SMARCAD1: variants seen among roughly 807,000 people sequenced by gnomAD.
SMARCAD1 encodes the protein SWI/SNF-related matrix-associated actin-dependent regulator of chromatin subfamily A containing DEAD/H box 1.
A neutral mutation model predicts 127.1 loss-of-function variants in SMARCAD1; 25 were observed. That is an observed-to-expected ratio of 0.20 (90% CI 0.14 to 0.27). The LOEUF (loss-of-function observed/expected upper bound fraction) is 0.27. Among genes scored for constraint, SMARCAD1 ranks in the 10% least tolerant of loss-of-function variants. The probability of loss-of-function intolerance (pLI) is 1.00; values close to 1 mark genes in which losing one functional copy is unlikely to be tolerated. For missense variants in SMARCAD1, 807 were observed against 1,206.0 expected, an observed-to-expected ratio of 0.67 and a Z score of 4.90; for synonymous variants, 400 against 396.9, an observed-to-expected ratio of 1.01 and a Z score of -0.09.
At chr4:94,262,456 T>C (rs1400269714) in intron 9 of SMARCAD1, among the ~76,000 whole-genome samples, 1 of 152,196 alleles carries the variant, frequency 6.6e-6, no homozygotes, top group Non-Finnish European at 1.5e-5. Context: ...CTCAAAGCCT[T>C]CTTAATAGTT....
At chr4:94,238,812 T>A (rs1025950820) in intron 5 of SMARCAD1, among the ~76,000 whole-genome samples, 2 of 152,186 alleles carry the variant, frequency 1.3e-5, no homozygotes, top group African/African-American at 4.8e-5. Context: ...TATCTAATCT[T>A]TTTTCTCTTG....
At chr4:94,259,832 A>G (rs1260017606) in intron 9 of SMARCAD1, among the ~76,000 whole-genome samples, 4 of 152,246 alleles carry the variant, frequency 2.6e-5, no homozygotes, top group East Asian at 1.9e-4. Flanking sequence ...TGAAGAAACC[A>G]TAACATTCTT....
intron 16 of SMARCAD1, 119 bp downstream of exon 16, chr4:94,277,278 T>A: frequency 8.6e-7 from 1 of 1,163,620 alleles, no homozygotes; most frequent in East Asian, 2.4e-5. Flanking sequence ...TAACTTTAAG[T>A]AGGTGATAAC....
chr4:94,270,704 A>G lies in SMARCAD1; in HGVS notation c.1482-24A>G, dbSNP rs765921860. On this transcript the variant is annotated intron_variant, in intron 10 of 23. Transcript: ENST00000354268. ...ACTGATAGAAATATAGATGTGTAAT[A>G]TTTGGTAACTCTCTCTTTACCAGTT... The G allele has an allele frequency of 5.0e-6, 8 of 1,589,298 alleles. No homozygotes were observed. In the Admixed American group the frequency reaches 8.3e-5, roughly 17 times the overall value.
chr4:94,276,881 A>G (rs1206734478), intron 15 of SMARCAD1, 141 bp from the exon 16 acceptor site: 7 of 878,158 alleles, frequency 8.0e-6, no homozygotes, highest in South Asian at 3.3e-5. Context: ...TTAAATTACT[A>G]TATCATTTAT....
rs533908332 is a variant in SMARCAD1 at position 94,221,202 on chromosome 4, A to G, written c.191-4917A>G. The stretch of plus-strand genomic sequence containing the variant: ...TACTTAGACATTTCTGAGAAGATCA[A>G]TGGTGATATTAACAAAAGTAATTTT... On this transcript the variant is annotated intron_variant, in intron 2 of 23. Coordinates refer to ENST00000354268, the MANE Select transcript of SMARCAD1 (RefSeq NM_020159.5). 1.7e-4 allele frequency among the ~76,000 whole-genome samples: 26 copies of G among 152,362 alleles called. No individual in the cohort carries two copies. In the East Asian group the frequency reaches 1.9e-3, roughly 11 times the overall value.
chr4:94,233,888 C>A, intron 3 of SMARCAD1, 66 bp from the exon 4 acceptor site: 1 of 1,494,350 alleles, frequency 6.7e-7, no homozygotes, highest in Non-Finnish European at 9.3e-7. Context: ...TACACATAGA[C>A]ACTATAATGA....
chr4:94,249,717 C>A lies in SMARCAD1; in HGVS notation c.769C>A (p.Leu257Met). 1 of 1,609,840 alleles carries A rather than the reference C, an allele frequency of 6.2e-7. No individual in the cohort carries two copies. The highest frequency in any genetic ancestry group is 8.5e-7 in the Non-Finnish European group (1 of 1,176,644). The change falls in exon 7 of 24, where the codon CTG (leucine) becomes ATG (methionine). Residue 257 changes from leucine to methionine, a missense_variant. Leu to Met is a conservative substitution (Grantham distance 15, BLOSUM62 2). This residue lies in a region of SMARCAD1 where 257 missense variants were observed against 303.4 expected (regional missense o/e 0.85). Coordinates refer to ENST00000354268, the MANE Select transcript of SMARCAD1 (RefSeq NM_020159.5). ...TTGGGAAAAGCAGGAAAGTATTGTA[C>A]TGAAATTGCAAAAGGAATTTCCCAA... The part of the protein sequence containing the change: ...SNWEKQESIV[L>M]KLQKEFPNFD...
intron 4 of SMARCAD1, 114 bp downstream of exon 4, chr4:94,234,236 T>A (rs551908285): frequency 2.1e-6 from 2 of 962,986 alleles, no homozygotes; most frequent in East Asian, 2.7e-5. Flanking sequence ...TTGAAGATAT[T>A]AACTATTAAA....
intron 9 of SMARCAD1, among the ~76,000 whole-genome samples, chr4:94,259,974 AAGGT>A (rs1750710443): frequency 6.6e-6 from 1 of 152,148 alleles, no homozygotes; most frequent in African/African-American, 2.4e-5. Flanking sequence ...AGATCCAAGT[AAGGT>A]CCACTTATTA....
intron 5 of SMARCAD1, 144 bp downstream of exon 5, chr4:94,237,162 T>C (rs1746792393): frequency 4.1e-6 from 3 of 733,526 alleles, no homozygotes; most frequent in Non-Finnish European, 7.0e-6. Context: ...TTTCACTGTT[T>C]TTCCCTAAAA....
chr4:94,223,080 A>G (rs1327425471), intron 2 of SMARCAD1, among the ~76,000 whole-genome samples: 1 of 152,192 alleles, frequency 6.6e-6, no homozygotes, highest in Non-Finnish European at 1.5e-5. Context: ...AGGAAGTTCT[A>G]GTTCTCCTAA....
intron 7 of SMARCAD1, 87 bp from the exon 8 acceptor site, chr4:94,250,665 A>T: frequency 1.2e-6 from 1 of 819,546 alleles, no homozygotes; most frequent in Non-Finnish European, 1.9e-6. Context: ...TTTTCAGGTG[A>T]TTAACTTATT....
At chr4:94,231,505 A>G (rs1042627833) in intron 3 of SMARCAD1, among the ~76,000 whole-genome samples, 7 of 152,198 alleles carry the variant, frequency 4.6e-5, no homozygotes, top group Non-Finnish European at 8.8e-5. Context: ...ATGAAATAGT[A>G]TATAAAGAAC....
intron 2 of SMARCAD1, 29 bp from the exon 3 acceptor site, chr4:94,226,090 A>G: frequency 6.3e-7 from 1 of 1,578,354 alleles, no homozygotes; most frequent in Non-Finnish European, 8.7e-7. Context: ...GTTGCTCAAA[A>G]TATTTTTCTC....
At chr4:94,228,522 AC>A (rs1413741299) in intron 3 of SMARCAD1, among the ~76,000 whole-genome samples, 1 of 152,170 alleles carries the variant, frequency 6.6e-6, no homozygotes, top group Non-Finnish European at 1.5e-5. Context: ...TGCCAGTTAT[AC>A]CAGTAATGTC....
chr4:94,228,397 C>G (rs1745336957), intron 3 of SMARCAD1, among the ~76,000 whole-genome samples: 1 of 152,088 alleles, frequency 6.6e-6, no homozygotes, highest in Non-Finnish European at 1.5e-5. Flanking sequence ...TCATTTATCT[C>G]CTAAAAACAA....
chr4:94,241,427 A>G (rs1396698375), intron 6 of SMARCAD1, among the ~76,000 whole-genome samples: 1 of 152,144 alleles, frequency 6.6e-6, no homozygotes, highest in Non-Finnish European at 1.5e-5. Context: ...CCTTTTTATA[A>G]GGACAACAGT....
chr4:94,260,291 C>G (rs895631815), intron 9 of SMARCAD1, among the ~76,000 whole-genome samples: 6 of 152,084 alleles, frequency 3.9e-5, no homozygotes, highest in African/African-American at 1.4e-4. Context: ...TCTGTTGATG[C>G]TACATGTCTG....
Sources: allele counts gnomAD v4.1 joint callset (sites outside exome capture counted in the v4.1 genomes callset), GRCh38; gene constraint gnomAD v4.1.1; regional missense constraint gnomAD v4.1.1; transcripts MANE v1.5; gene names NCBI Gene and HGNC (gene_info 2026-07-23, HGNC 2026-07-21).